TMEM161B: variants seen among roughly 807,000 people sequenced by gnomAD.
The protein encoded by TMEM161B is transmembrane protein 161B.
A neutral mutation model predicts 61.8 loss-of-function variants in TMEM161B; 34 were observed. That is an observed-to-expected ratio of 0.55 (90% CI 0.42 to 0.73). The LOEUF is 0.73. Among genes scored for constraint, TMEM161B ranks in the 30% least tolerant of loss-of-function variants. The pLI, the probability that TMEM161B is intolerant of heterozygous loss-of-function variation, is 0.00. For synonymous variants in TMEM161B, 167 were observed against 192.8 expected (o/e 0.87, Z 1.11); for missense variants, 456 against 558.5 (o/e 0.82, Z 1.85).
intron 5 of TMEM161B, 27 bp from the exon 6 acceptor site, chr5:88,207,207 C>G (rs759680888): frequency 1.3e-6 from 2 of 1,589,944 alleles, no homozygotes; most frequent in Non-Finnish European, 1.7e-6. Flanking sequence ...TCAGGAAAAA[C>G]CACAATAAAT....
chr5:88,202,165 C>T (rs1744533514), intron 9 of TMEM161B: 2 of 452,682 alleles, frequency 4.4e-6, no homozygotes, highest in African/African-American at 2.0e-5. Context: ...AATAACCTGC[C>T]TCAAATGAAG....
downstream of TMEM161B, chr5:88,190,055 A>G (rs943464129): frequency 1.4e-6 from 1 of 700,578 alleles, no homozygotes; most frequent in Non-Finnish European, 2.6e-6. Context: ...TAAGATCTCA[A>G]AGAAGCACAT....
chr5:88,212,359 A>T (rs973461665), intron 5 of TMEM161B, among the ~76,000 whole-genome samples: 19 of 152,230 alleles, frequency 1.2e-4, no homozygotes. Flanking sequence ...CTAATAGGAA[A>T]GAAAAGTCAA....
chr5:88,245,902 A>T (rs1753543354), intron 1 of TMEM161B, among the ~76,000 whole-genome samples: 1 of 152,040 alleles, frequency 6.6e-6, no homozygotes, highest in Non-Finnish European at 1.5e-5. Context: ...AATCCAGACA[A>T]GAAATTATGA....
Position 88,198,992 on chromosome 5 carries a change from A to T in TMEM161B, c.1073T>A (p.Val358Asp). 3.1e-6 allele frequency: 5 copies of T among 1,612,658 alleles called. No individual in the cohort carries two copies. Among genetic ancestry groups the T allele is most frequent in the Non-Finnish European group, 4.2e-6 (5 of 1,179,276 alleles). Residue 358 changes from valine (V) to aspartate (D), a missense_variant, in exon 10 of 12, where the codon GTT becomes GAT. Around this residue, in one of 3 missense-constraint regions of TMEM161B, gnomAD observed 367 missense variants for 427.3 expected, o/e 0.86. Transcript: ENST00000296595. ...MKKEAGRIST[V>D]ELQKMVARVF... ...AAAACTTACCATTTTCTGTAGCTCA[A>T]CCGTGCTTATTCGCCCCGCTTCTTT...
At chr5:88,244,964 C>T (rs1488702891) in intron 1 of TMEM161B, among the ~76,000 whole-genome samples, 1 of 151,712 alleles carries the variant, frequency 6.6e-6, no homozygotes, top group Non-Finnish European at 1.5e-5. Flanking sequence ...TATAGGAATG[C>T]TACTGATTTT....
At chr5:88,208,514 C>T (rs1481117240) in intron 5 of TMEM161B, among the ~76,000 whole-genome samples, 1 of 151,870 alleles carries the variant, frequency 6.6e-6, no homozygotes, top group Non-Finnish European at 1.5e-5. Flanking sequence ...TGGTGGCACA[C>T]GCCTGCAATC....
chr5:88,189,330 T>G (rs1319658129), downstream of TMEM161B, among the ~76,000 whole-genome samples: 1 of 152,118 alleles, frequency 6.6e-6, no homozygotes, highest in Non-Finnish European at 1.5e-5. Context: ...GCTTCGGCTA[T>G]GCGTGGACCA....
chr5:88,219,527 T>A (rs1748527736), intron 5 of TMEM161B, among the ~76,000 whole-genome samples: 1 of 152,070 alleles, frequency 6.6e-6, no homozygotes, highest in African/African-American at 2.4e-5. Context: ...AGTTTTCAGA[T>A]TTAAAGGGTA....
intron 1 of TMEM161B, among the ~76,000 whole-genome samples, chr5:88,246,809 T>C (rs1753676208): frequency 6.6e-6 from 1 of 151,990 alleles, no homozygotes; most frequent in Non-Finnish European, 1.5e-5. Context: ...ACTGGTCAAA[T>C]GAGCAGAGAT....
intron 1 of TMEM161B, among the ~76,000 whole-genome samples, chr5:88,256,785 A>G (rs1438238638): frequency 6.6e-6 from 1 of 152,258 alleles, no homozygotes; most frequent in Admixed American, 6.5e-5. Context: ...TGGATAAAGC[A>G]TAAATTTTTC....
chr5:88,190,670 TGTG>T (rs1748723222), downstream of TMEM161B, among the ~76,000 whole-genome samples: 1 of 152,062 alleles, frequency 6.6e-6, no homozygotes. Flanking sequence ...ACTGCCACCT[TGTG>T]GAGTTTCCAT....
chr5:88,229,634 C>T (rs1212047502), intron 2 of TMEM161B, among the ~76,000 whole-genome samples: 1 of 149,970 alleles, frequency 6.7e-6, no homozygotes, highest in Non-Finnish European at 1.5e-5. Flanking sequence ...TAGGCAAAAA[C>T]TTTGACAAAG....
At chr5:88,208,436 C>T (rs1024977780) in intron 5 of TMEM161B, among the ~76,000 whole-genome samples, 2 of 150,010 alleles carry the variant, frequency 1.3e-5, no homozygotes, top group African/African-American at 4.9e-5. Flanking sequence ...GAGCTGAGAT[C>T]GCGCCACTGC....
Position 88,197,283 on chromosome 5 carries a change from C to T in TMEM161B, c.1186+386G>A, listed in dbSNP as rs545206806. ...TGTAAGTTATCTAAACTAGAACTTA[C>T]CATAGCATTCTGTAATTTATGTAAG... On this transcript the variant is annotated intron_variant, in intron 11 of 11. Coordinates refer to ENST00000296595, the MANE Select transcript of TMEM161B (RefSeq NM_153354.5). 2.0e-5 allele frequency among the ~76,000 whole-genome samples: 3 copies of T among 152,202 alleles called. No individual in the cohort carries two copies. In the South Asian group the frequency reaches 6.2e-4, roughly 32 times the overall value.
At chr5:88,252,174 AGAGAAGGGAATTTCAGGC>A in intron 1 of TMEM161B, among the ~76,000 whole-genome samples, 1 of 152,192 alleles carries the variant, frequency 6.6e-6, no homozygotes. Context: ...AGAAAAGTAA[AGAGAAGGGAATTTCAGGC>A]TAAATGACAA....
At chr5:88,212,122 T>A (rs1746927548) in intron 5 of TMEM161B, among the ~76,000 whole-genome samples, 1 of 152,210 alleles carries the variant, frequency 6.6e-6, no homozygotes, top group African/African-American at 2.4e-5. Flanking sequence ...TAATTCTTAA[T>A]AGCAATTTTC....
At chr5:88,223,804 G>T (rs1016529161) in intron 4 of TMEM161B, among the ~76,000 whole-genome samples, 1 of 152,024 alleles carries the variant, frequency 6.6e-6, no homozygotes, top group Non-Finnish European at 1.5e-5. Context: ...CAGGAGAATG[G>T]CGTGAACCTG....
At chr5:88,258,503 T>A (rs948880071) in intron 1 of TMEM161B, among the ~76,000 whole-genome samples, 3 of 152,054 alleles carry the variant, frequency 2.0e-5, no homozygotes, top group Non-Finnish European at 4.4e-5. Flanking sequence ...AAGAAAAAAA[T>A]GTCATGCTTT....
Sources: allele counts gnomAD v4.1 joint callset (sites outside exome capture counted in the v4.1 genomes callset), GRCh38; gene constraint gnomAD v4.1.1; regional missense constraint gnomAD v4.1.1; transcripts MANE v1.5; gene names NCBI Gene and HGNC (gene_info 2026-07-23, HGNC 2026-07-21).